Variants in TCIRG1 observed in about 807,000 individuals in gnomAD.
TCIRG1 encodes the protein T cell immune regulator 1, ATPase H+ transporting V0 subunit a3.
Under a neutral mutation model 95.5 loss-of-function variants are expected in TCIRG1, and 86 were observed. That is an observed-to-expected ratio of 0.90 (90% CI 0.76 to 1.08). TCIRG1 has a LOEUF of 1.08. Ranked by LOEUF, TCIRG1 falls within the 50% of genes least tolerant of loss-of-function variation. The pLI is 0.00. For missense variants in TCIRG1, 1,069 were observed against 1,140.2 expected (o/e 0.94, Z 0.90); for synonymous variants, 499 against 501.3 (o/e 1.00, Z 0.06).
chr11:68,042,827 C>T lies in TCIRG1; in HGVS notation c.381C>T (p.Leu127=), dbSNP rs1266423367. 1.9e-6 allele frequency: 3 copies of T among 1,548,830 alleles called. No individual in the cohort carries two copies. The highest frequency in any genetic ancestry group is 2.4e-5 in the East Asian group (1 of 40,878). ...GGGCCCAGCTGCACCAGCTGCAGCT[C>T]CACGCCGCCGTGCTACGCCAGGGCC... ...ALRAQLHQLQ[L]HAAVLRQGHE... Residue 127 remains leucine, a synonymous_variant, in exon 4 of 20, where the codon CTC becomes CTT. Transcript: ENST00000265686.
chr11:68,042,835 C>T lies in TCIRG1; in HGVS notation c.389C>T (p.Ala130Val), dbSNP rs1251650327. ...CTGCACCAGCTGCAGCTCCACGCCGCCGTGCTACGCCAGGGCCATGAACCT... is the reference window on the plus strand; with the variant it reads ...CTGCACCAGCTGCAGCTCCACGCCGTCGTGCTACGCCAGGGCCATGAACCT... ...AQLHQLQLHA[A>V]VLRQGHEPQL... The change falls in exon 4 of 20, where the codon GCC becomes GTC. Residue 130 changes from alanine to valine, a missense_variant. Ala to Val is a moderately conservative substitution (Grantham distance 64). Transcript: ENST00000265686. The T allele has an allele frequency of 7.1e-6, 11 of 1,548,752 alleles. No homozygotes were observed. The highest frequency in any genetic ancestry group is 5.5e-5 in the African/African-American group (4 of 72,986).
In TCIRG1 at chr11:68,042,962, C is replaced by G. The variant is rs767052351; in HGVS notation, c.434C>G (p.Thr145Arg). 1 of 1,554,906 alleles carries G rather than the reference C, an allele frequency of 6.4e-7. No individual in the cohort carries two copies. The highest frequency in any genetic ancestry group is 2.4e-5 in the East Asian group (1 of 41,152). The change falls in exon 5 of 20, where the codon ACA (threonine) becomes AGA (arginine). Residue 145 changes from threonine to arginine, a missense_variant. By Grantham distance (71) the Thr-to-Arg change is moderately conservative. Coordinates refer to ENST00000265686, the MANE Select transcript of TCIRG1 (RefSeq NM_006019.4). ...GHEPQLAAAH[T>R]DGASERTPLL... is the part of the protein sequence containing the mutation. ...GGTTCCTAGCTGGCAGCCGCCCACA[C>G]AGATGGGGCCTCAGAGAGGACGCCC...
In TCIRG1 at chr11:68,042,491, A is replaced by G. The variant is rs1324879184; in HGVS notation, c.197-152A>G. 18 of 666,046 alleles carry G rather than the reference A, an allele frequency of 2.7e-5. No homozygotes were observed. The East Asian group carries it at 4.9e-4, about 18-fold the overall frequency. The allele number at this position is 666,046 out of a possible 1,614,324, so 41.3% of individuals were successfully genotyped here. On this transcript the variant is annotated intron_variant, in intron 3 of 19. Transcript: ENST00000265686. ...GACCTGAGCTCAGGGAGGGGAGCAC[A>G]GCTTCTGGATGAAAGTTTGGCCGGG...
rs1039628264 is a variant in TCIRG1 at position 68,049,735 on chromosome 11, C to T, written c.1960C>T (p.His654Tyr). The change falls in exon 16 of 20, where the codon CAC becomes TAC. Residue 654 changes from histidine to tyrosine, a missense_variant. Transcript: ENST00000265686. ...CATCCTGCTGCTTGGCACACCCCTG[C>T]ACCTGCTGCACCGCCACCGCCGCCG... ...VPILLLGTPLHLLHRHRRRLR... is the reference protein window; with the variant it reads ...VPILLLGTPLYLLHRHRRRLR... 2.5e-6 allele frequency: 4 copies of T among 1,583,418 alleles called. No homozygotes were observed. The highest frequency in any genetic ancestry group is 1.3e-5 in the African/African-American group (1 of 74,624).
At chr11:68,050,461 G>C (rs777237530) in intron 18 of TCIRG1, 26 bp from the exon 19 acceptor site, 1 of 1,611,986 alleles carries the variant, frequency 6.2e-7, no homozygotes, top group Non-Finnish European at 8.5e-7. Context: ...CTTGCCGTTG[G>C]CCCCCACTGT....
chr11:68,048,443 G>A (rs557305942), intron 13 of TCIRG1: 47 of 339,448 alleles, frequency 1.4e-4, no homozygotes, highest in East Asian at 8.6e-4. Context: ...ACAGGCGCCC[G>A]CCACCATGCC....
chr11:68,051,018 G>A (rs1465920815), downstream of TCIRG1: 2 of 643,770 alleles, frequency 3.1e-6, no homozygotes, highest in East Asian at 5.5e-5. Flanking sequence ...AATAATGTCA[G>A]ACTCTTGGGG....
rs767301647 is a variant in TCIRG1, at chr11:68,048,987, T to TTCAA, written c.1664_1667dup (p.His557GlnfsTer114). The TTCAA allele has an allele frequency of 5.6e-6, 9 of 1,613,622 alleles. No individual in the cohort carries two copies. Among genetic ancestry groups the TTCAA allele is most frequent in the Non-Finnish European group, 7.6e-6 (9 of 1,179,956 alleles). On this transcript the variant is annotated frameshift_variant, in exon 14 of 20. Coordinates refer to ENST00000265686, the MANE Select transcript of TCIRG1 (RefSeq NM_006019.4). LOFTEE classifies it high-confidence loss of function. ...GGCCTTTGGGGTGGTCCTCGGAGTC[T>TTCAA]TCAACCACGTGTGAGGGCCAAGGCT...
chr11:68,049,057 G>A, intron 14 of TCIRG1, 24 bp from the exon 15 acceptor site: 2 of 1,612,914 alleles, frequency 1.2e-6, no homozygotes, highest in Non-Finnish European at 1.7e-6. Flanking sequence ...GCCCCAGTGA[G>A]CACACCTCCC....
In TCIRG1 at chr11:68,048,862, C is replaced by A; in HGVS notation, c.1555-17C>A. 3 of 1,586,970 alleles carry A rather than the reference C, an allele frequency of 1.9e-6. No homozygotes were observed. The highest frequency in any genetic ancestry group is 2.6e-6 in the Non-Finnish European group (3 of 1,161,156). The stretch of plus-strand genomic sequence containing the variant: ...GAGGGAGCCCCTGAGTCCAGCCCAC[C>A]CCTGCTGCCACCCTAGATTTGGAGC... On this transcript the variant is annotated splice_polypyrimidine_tract_variant and intron_variant, in intron 13 of 19. Coordinates refer to ENST00000265686, the MANE Select transcript of TCIRG1 (RefSeq NM_006019.4).
intron 1 of TCIRG1, 68 bp from the exon 2 acceptor site, chr11:68,041,200 C>A: frequency 9.7e-7 from 1 of 1,028,480 alleles, no homozygotes; most frequent in Non-Finnish European, 1.5e-6. Context: ...TGAAGGTGCA[C>A]AGGTGCCCGT....
chr11:68,050,400 C>A lies in TCIRG1; in HGVS notation c.2237-87C>A, dbSNP rs1480212020. On this transcript the variant is annotated intron_variant, in intron 18 of 19. Coordinates refer to ENST00000265686, the MANE Select transcript of TCIRG1 (RefSeq NM_006019.4). ...GGAGGTCCCTCGCTGGCCCCCCGTG[C>A]AGGGAGGGCTTCAGGCTGCGGCAGG... The A allele has an allele frequency of 1.9e-6, 3 of 1,609,588 alleles. No individual in the cohort carries two copies. In the Admixed American group the frequency reaches 5.0e-5, roughly 27 times the overall value.
rs771198568 is a variant in TCIRG1 at position 68,042,753 on chromosome 11, C to T, written c.307C>T (p.Arg103Cys). The change falls in exon 4 of 20, where the codon CGC becomes TGC. Residue 103 changes from arginine to cysteine, a missense_variant. Coordinates refer to ENST00000265686, the MANE Select transcript of TCIRG1 (RefSeq NM_006019.4). ...GCTGCGCATCCAGGAGGAGACGGAG[C>T]GCCTGGCCCAGGAGCTGCGGGATGT... ...DLLRIQEETERLAQELRDVRG... is the reference protein window; with the variant it reads ...DLLRIQEETECLAQELRDVRG... 397 of 1,547,392 alleles carry T rather than the reference C, an allele frequency of 2.6e-4. 13 individuals are homozygous for T. In the Admixed American group the frequency reaches 7.6e-3, roughly 30 times the overall value.
In TCIRG1 at chr11:68,045,085, A is replaced by T. The variant is rs1274422321; in HGVS notation, c.1148A>T (p.Tyr383Phe). The stretch of plus-strand genomic sequence containing the variant: ...GTGGATGCCTACGGCGTGGGCCGCT[A>T]CCAGGAGGTCAACCCCGGTGAGAGC... ...GIVDAYGVGR[Y>F]QEVNPAPYTI... Residue 383 changes from tyrosine (Y) to phenylalanine (F), a missense_variant, in exon 10 of 20, where the codon TAC (tyrosine) becomes TTC (phenylalanine). Tyr to Phe is a conservative substitution (Grantham distance 22). Transcript: ENST00000265686. 1 of 1,602,204 alleles carries T rather than the reference A, an allele frequency of 6.2e-7. No homozygotes were observed. Among genetic ancestry groups the T allele is most frequent in the Admixed American group, 1.7e-5 (1 of 60,024 alleles).
intron 10 of TCIRG1, 122 bp from the exon 11 acceptor site, chr11:68,047,309 CTG>C (rs1855551069): frequency 2.0e-5 from 14 of 696,232 alleles, no homozygotes; most frequent in African/African-American, 3.9e-5. Context: ...GCATGAGCCA[CTG>C]TGCCTGGCTG....
In TCIRG1 at chr11:68,043,593, C is replaced by G; in HGVS notation, c.653C>G (p.Thr218Ser). 1 of 1,610,924 alleles carries G rather than the reference C, an allele frequency of 6.2e-7. No homozygotes were observed. Among genetic ancestry groups the G allele is most frequent in the Non-Finnish European group, 8.5e-7 (1 of 1,179,162 alleles). ...CAGGGCGAGCCAGCCACGTGGATGA[C>G]CTTCCTCATCTCCTACTGGGGTGAG... is the stretch of plus-strand genomic sequence containing the variant. ...PVTGEPATWM[T>S]FLISYWGEQI... is the part of the protein sequence containing the mutation. Residue 218 changes from threonine (T) to serine (S), a missense_variant, in exon 7 of 20, where the codon ACC (threonine) becomes AGC (serine). Transcript: ENST00000265686.
rs1352060627 is a variant in TCIRG1, at chr11:68,050,830, A to C, written c.*11A>C. On this transcript the variant is annotated 3_prime_UTR_variant, in exon 20 of 20. Coordinates refer to ENST00000265686, the MANE Select transcript of TCIRG1 (RefSeq NM_006019.4). ...GCCACAGATGACTAGGGCCCACTGC[A>C]GGTCCTGCCAGACCTCCTTCCTGAC... 1 of 1,612,294 alleles carries C rather than the reference A, an allele frequency of 6.2e-7. No homozygotes were observed. Among genetic ancestry groups the C allele is most frequent in the Non-Finnish European group, 8.5e-7 (1 of 1,179,924 alleles).
intron 10 of TCIRG1, 75 bp from the exon 11 acceptor site, chr11:68,047,358 C>A: frequency 1.9e-6 from 3 of 1,570,650 alleles, no homozygotes; most frequent in East Asian, 2.4e-5. Context: ...CCAGCAGGGC[C>A]TCCGTGGCGT....
In TCIRG1 at chr11:68,043,620, A is replaced by G. The variant is rs552952262; in HGVS notation, c.680A>G (p.Gln227Arg). 1 of 1,611,440 alleles carries G rather than the reference A, an allele frequency of 6.2e-7. No individual in the cohort carries two copies. The highest frequency in any genetic ancestry group is 2.2e-5 in the East Asian group (1 of 44,840). ...MTFLISYWGE[Q>R]IGQKIRKITD... ...TTCCTCATCTCCTACTGGGGTGAGC[A>G]GATCGGACAGAAGATCCGCAAGATC... Residue 227 changes from glutamine to arginine, a missense_variant, in exon 7 of 20, where the codon CAG becomes CGG. Coordinates refer to ENST00000265686, the MANE Select transcript of TCIRG1 (RefSeq NM_006019.4).
Sources: gnomAD v4.1 joint callset for allele counts on GRCh38, gnomAD v4.1.1 for gene constraint, MANE v1.5 for transcripts, NCBI Gene and HGNC (gene_info 2026-07-23, HGNC 2026-07-21) for gene names.